Variants in ADGB observed in about 807,000 individuals in gnomAD.
The protein encoded by ADGB is calpain-7-like protein.
Under a neutral mutation model 210.5 loss-of-function variants are expected in ADGB, and 172 were observed. That is an observed-to-expected ratio of 0.82 (90% CI 0.72 to 0.93). ADGB has a LOEUF of 0.93. Ranked by LOEUF, ADGB falls within the 40% of genes least tolerant of loss-of-function variation. The pLI is 0.00. For synonymous variants in ADGB, 658 were observed against 662.7 expected (o/e 0.99, Z 0.11); for missense variants, 2,025 against 1,964.8 (o/e 1.03, Z -0.58).
chr6:146,792,545 CT>C (rs916459539), intron 33 of ADGB, among the ~76,000 whole-genome samples: 300 of 144,170 alleles, frequency 2.1e-3, no homozygotes, highest in Middle Eastern at 3.6e-3. Flanking sequence ...ACAGCACAGA[CT>C]TTTTTTTTTT....
At chr6:146,800,136 T>G (rs934345421) in intron 33 of ADGB, among the ~76,000 whole-genome samples, 44 of 91,636 alleles carry the variant, frequency 4.8e-4, no homozygotes, top group African/African-American at 1.3e-3. Context: ...ATAAACTTTT[T>G]TCTTTTTTTT....
intron 3 of ADGB, 35 bp downstream of exon 3, chr6:146,644,900 C>CATAGTAAGTATTT: frequency 1.6e-6 from 2 of 1,261,552 alleles, no homozygotes; most frequent in Non-Finnish European, 2.2e-6. Context: ...AAAATACTTA[C>CATAGTAAGTATTT]TATGTGGATG....
At chr6:146,741,938 G>C (rs1490416048) in intron 25 of ADGB, among the ~76,000 whole-genome samples, 1 of 152,098 alleles carries the variant, frequency 6.6e-6, no homozygotes, top group African/African-American at 2.4e-5. Flanking sequence ...CTTCCTTTCT[G>C]CAGCTTTATG....
At chr6:146,664,379 C>T (rs1393157398) in intron 6 of ADGB, 39 bp downstream of exon 6, 12 of 1,503,262 alleles carry the variant, frequency 8.0e-6, no homozygotes, top group Non-Finnish European at 9.8e-6. Flanking sequence ...ATAAAAAAAG[C>T]AAACAAAAAC....
chr6:146,666,081 T>G (rs1178410517), intron 6 of ADGB, among the ~76,000 whole-genome samples: 1 of 152,046 alleles, frequency 6.6e-6, no homozygotes, highest in East Asian at 1.9e-4. Flanking sequence ...GTGACTAAGA[T>G]AGTAAGATTT....
At chr6:146,725,171 G>A (rs563209688) in intron 18 of ADGB, 1 of 152,178 alleles carries the variant, frequency 6.6e-6, no homozygotes, top group Non-Finnish European at 1.5e-5. Flanking sequence ...TACTCTGTCT[G>A]AGTGCTTATT....
chr6:146,682,936 G>C (rs1776177335), intron 9 of ADGB, among the ~76,000 whole-genome samples: 1 of 151,994 alleles, frequency 6.6e-6, no homozygotes, highest in Non-Finnish European at 1.5e-5. Context: ...CCATGTGCTA[G>C]AATTTTGATC....
chr6:146,788,471 A>G lies in ADGB; in HGVS notation c.4398A>G (p.Gly1466=). The change falls in exon 33 of 36, where the codon GGA becomes GGG. Residue 1466 remains glycine, a synonymous_variant. Coordinates refer to ENST00000397944, the MANE Select transcript of ADGB (RefSeq NM_024694.4). The stretch of plus-strand genomic sequence containing the variant: ...AGAGCAAAGAGATGACACAAACAGG[A>G]TCAGGGAGTGCGGTGTGGAAGAAGT... ...GSESKEMTQT[G]SGSAVWKKWQ... The G allele has an allele frequency of 6.4e-7, 1 of 1,551,660 alleles. No homozygotes were observed. Among genetic ancestry groups the G allele is most frequent in the African/African-American group, 1.4e-5 (1 of 73,140 alleles).
intron 3 of ADGB, among the ~76,000 whole-genome samples, chr6:146,648,655 C>T (rs1775655657): frequency 6.6e-6 from 1 of 152,144 alleles, no homozygotes; most frequent in Admixed American, 6.6e-5. Context: ...ATCCAATCAC[C>T]TTCCAATGGA....
intron 22 of ADGB, among the ~76,000 whole-genome samples, chr6:146,734,764 G>A (rs1434680188): frequency 6.6e-6 from 1 of 151,990 alleles, no homozygotes; most frequent in Admixed American, 6.6e-5. Flanking sequence ...ATAAAAATTA[G>A]CCAGGCATGG....
intron 3 of ADGB, among the ~76,000 whole-genome samples, chr6:146,648,236 G>C (rs528268904): frequency 6.6e-6 from 1 of 151,236 alleles, no homozygotes; most frequent in South Asian, 2.1e-4. Flanking sequence ...TTTATTTTTA[G>C]AGATAGGATC....
At chr6:146,648,472 G>A (rs1775653581) in intron 3 of ADGB, among the ~76,000 whole-genome samples, 1 of 152,112 alleles carries the variant, frequency 6.6e-6, no homozygotes, top group African/African-American at 2.4e-5. Context: ...GGCTGGGGAG[G>A]CCTCAGGAAA....
At chr6:146,677,312 A>G (rs912354021) in intron 9 of ADGB, among the ~76,000 whole-genome samples, 11 of 152,150 alleles carry the variant, frequency 7.2e-5, no homozygotes, top group African/African-American at 1.9e-4. Flanking sequence ...TCCAGAGTGC[A>G]GGTTATCATT....
At chr6:146,723,801 G>T (rs972731820) in intron 17 of ADGB, among the ~76,000 whole-genome samples, 2 of 152,086 alleles carry the variant, frequency 1.3e-5, no homozygotes, top group African/African-American at 4.8e-5. Context: ...CACTATTTTA[G>T]AGAAATCTCT....
At chr6:146,779,395 C>T (rs1352689493) in intron 29 of ADGB, among the ~76,000 whole-genome samples, 1 of 152,148 alleles carries the variant, frequency 6.6e-6, no homozygotes, top group Non-Finnish European at 1.5e-5. Context: ...GAGAAAGTGG[C>T]AGAAAGGCTA....
At chr6:146,609,710 G>GT (rs942750558) in intron 1 of ADGB, among the ~76,000 whole-genome samples, 8 of 152,158 alleles carry the variant, frequency 5.3e-5, no homozygotes, top group African/African-American at 1.9e-4. Context: ...ATGAAGCTTA[G>GT]TTTGGCTGGA....
At chr6:146,614,231 T>TCCTCCCTTCCTC (rs1780757334) in intron 1 of ADGB, among the ~76,000 whole-genome samples, 3 of 135,160 alleles carry the variant, frequency 2.2e-5, no homozygotes, top group African/African-American at 9.3e-5. Flanking sequence ...CTTCCTTCCT[T>TCCTCCCTTCCTC]CCTTCCTTCC....
Position 146,784,729 on chromosome 6 carries a change from A to T in ADGB, c.4147A>T (p.Arg1383Trp), listed in dbSNP as rs974109095. Residue 1383 changes from arginine (R) to tryptophan (W), a missense_variant, in exon 31 of 36, where the codon AGG (arginine) becomes TGG (tryptophan). Coordinates refer to ENST00000397944, the MANE Select transcript of ADGB (RefSeq NM_024694.4). ...ATTTGAAGTGAAAAAGGATACAGAAAGGGCAGATGAAATCCGAGCCATGAA... is the reference window on the plus strand; with the variant it reads ...ATTTGAAGTGAAAAAGGATACAGAATGGGCAGATGAAATCCGAGCCATGAA... ...ELFEVKKDTE[R>W]ADEIRAMKQA... is the part of the protein sequence containing the mutation. 2 of 1,551,300 alleles carry T rather than the reference A, an allele frequency of 1.3e-6. No individual in the cohort carries two copies. The highest frequency in any genetic ancestry group is 2.7e-5 in the African/African-American group (2 of 73,120).
intron 34 of ADGB, among the ~76,000 whole-genome samples, 195 bp downstream of exon 34, chr6:146,801,474 A>T (rs897278196): frequency 4.6e-5 from 7 of 152,236 alleles, no homozygotes; most frequent in Admixed American, 4.6e-4. Flanking sequence ...ATAGAAATAT[A>T]TTAAGCATAT....
Sources: allele counts gnomAD v4.1 joint callset (sites outside exome capture counted in the v4.1 genomes callset), GRCh38; gene constraint gnomAD v4.1.1; transcripts MANE v1.5; gene names NCBI Gene and HGNC (gene_info 2026-07-23, HGNC 2026-07-21).